Variants in RBFOX3 observed in about 807,000 individuals in gnomAD.
RBFOX3 encodes the protein RNA binding fox-1 homolog 3.
RBFOX3 carries 17 observed loss-of-function variants against 48.7 expected under a neutral mutation model. The observed-to-expected ratio is 0.35, with a 90% CI of 0.24 to 0.52. The LOEUF (loss-of-function observed/expected upper bound fraction) is 0.52. Ranked by LOEUF, RBFOX3 falls within the 20% of genes least tolerant of loss-of-function variation. The pLI is 0.94. For missense variants in RBFOX3, 382 were observed against 497.5 expected, an observed-to-expected ratio of 0.77 and a Z score of 2.21; for synonymous variants, 212 against 209.5, an observed-to-expected ratio of 1.01 and a Z score of -0.10.
upstream of RBFOX3, among the ~76,000 whole-genome samples, chr17:79,614,121 A>C (rs984828740): frequency 1.3e-5 from 2 of 152,350 alleles, no homozygotes; most frequent in East Asian, 3.9e-4. Flanking sequence ...GCCCAGAGGC[A>C]GGGAAGGCTG....
chr17:79,395,770 G>A (rs376493869), intron 2 of RBFOX3, among the ~76,000 whole-genome samples: 1 of 152,226 alleles, frequency 6.6e-6, no homozygotes, highest in Non-Finnish European at 1.5e-5. Flanking sequence ...GAGCCGTGAC[G>A]TGACCAGGAG....
Position 79,423,211 on chromosome 17 carries a change from G to A in RBFOX3, c.-175+59243C>T, listed in dbSNP as rs150173907. 6.6e-6 allele frequency among the ~76,000 whole-genome samples: 1 copy of A among 152,272 alleles called. No homozygotes were observed. The highest frequency in any genetic ancestry group is 2.4e-5 in the African/African-American group (1 of 41,534). ...TCCAAAACCAAACTCCTCACGTCCT[G>A]CGGTCTCCCCGTGGAAGCCCCATCT... On this transcript the variant is annotated intron_variant, in intron 2 of 14. Transcript: ENST00000693108. This position sits in a 1 kb window ranked among gnomAD's most constrained non-coding sequence, Gnocchi z 4.9.
At chr17:79,448,796 C>T (rs2072879007) in intron 2 of RBFOX3, among the ~76,000 whole-genome samples, 1 of 152,162 alleles carries the variant, frequency 6.6e-6, no homozygotes, top group Admixed American at 6.5e-5. Flanking sequence ...AATCTGGCCT[C>T]GCAGGCTCAG....
chr17:79,289,647 T>C (rs548888968), intron 3 of RBFOX3, among the ~76,000 whole-genome samples: 4 of 152,368 alleles, frequency 2.6e-5, no homozygotes, highest in African/African-American at 7.2e-5. Context: ...CCTTTGGGGC[T>C]TTCCCCCTTT....
chr17:79,564,384 C>A (rs2144320219), intron 1 of RBFOX3, among the ~76,000 whole-genome samples: 1 of 152,318 alleles, frequency 6.6e-6, no homozygotes, highest in Admixed American at 6.5e-5. Context: ...AACATTCTCA[C>A]CTATTACCTT....
chr17:79,621,290 C>T, the RBFOX3 span, among the ~76,000 whole-genome samples: 3 of 152,178 alleles, frequency 2.0e-5, no homozygotes, highest in Admixed American at 6.5e-5. Flanking sequence ...TGAGCCACCA[C>T]GCCCAGCCTG....
At chr17:79,620,667 A>G in the RBFOX3 span, among the ~76,000 whole-genome samples, 3 of 136,966 alleles carry the variant, frequency 2.2e-5, no homozygotes, top group Non-Finnish European at 4.4e-5. Context: ...ACACACGCAC[A>G]TGCACACACG....
At chr17:79,234,952 G>C (rs1323961788) in intron 4 of RBFOX3, 1 of 151,904 alleles carries the variant, frequency 6.6e-6, no homozygotes, top group Non-Finnish European at 1.5e-5. Context: ...GGCTGGTCTT[G>C]AACTCCTGAC....
intron 1 of RBFOX3, among the ~76,000 whole-genome samples, chr17:79,557,329 T>C (rs2091852396): frequency 6.6e-6 from 1 of 151,512 alleles, no homozygotes; most frequent in Admixed American, 6.6e-5. Context: ...CCCCAGGCCC[T>C]GGACTGTTAG....
At chr17:79,475,633 G>A (rs2077621925) in intron 2 of RBFOX3, among the ~76,000 whole-genome samples, 2 of 152,176 alleles carry the variant, frequency 1.3e-5, no homozygotes, top group African/African-American at 4.8e-5. Flanking sequence ...TAGAAGAGGA[G>A]GGGAATGAGA....
chr17:79,141,761 G>C (rs1009305642), intron 4 of RBFOX3, among the ~76,000 whole-genome samples: 2 of 152,172 alleles, frequency 1.3e-5, no homozygotes, highest in African/African-American at 2.4e-5. Flanking sequence ...GGCTGTGTGA[G>C]GACTAAAGCT....
At chr17:79,396,109 G>T (rs2061966135) in intron 2 of RBFOX3, among the ~76,000 whole-genome samples, 1 of 152,234 alleles carries the variant, frequency 6.6e-6, no homozygotes, top group Non-Finnish European at 1.5e-5. Context: ...ACAGGGCAGG[G>T]TGCAAAGCCA....
At chr17:79,101,719 G>A (rs887871563) in intron 8 of RBFOX3, 75 bp from the exon 9 acceptor site, 138 of 1,313,294 alleles carry the variant, frequency 1.1e-4, no homozygotes, top group Admixed American at 2.8e-4. Flanking sequence ...ACTCCTCCCC[G>A]CCCTGCTCCG....
rs1192729842 is a variant in RBFOX3, at chr17:79,423,681, A to G, written c.-175+58773T>C. On this transcript the variant is annotated intron_variant, in intron 2 of 14. Transcript: ENST00000693108. The surrounding 1 kb of genome is among the most constrained non-coding windows in gnomAD (Gnocchi z 4.9). Reference sequence around the variant, plus strand: ...CTGCCCCCCCGACCACCCCGTGCCCACAGACAAGGTCAGCTCAATACATAC... The same window carrying G: ...CTGCCCCCCCGACCACCCCGTGCCCGCAGACAAGGTCAGCTCAATACATAC... 1 of 148,176 alleles carries G rather than the reference A, an allele frequency of 6.7e-6. No individual in the cohort carries two copies. Among genetic ancestry groups the G allele is most frequent in the Non-Finnish European group, 1.5e-5 (1 of 66,794 alleles). 9.2% of individuals were successfully genotyped at this position (148,176 alleles called of 1,614,324 possible).
intron 1 of RBFOX3, among the ~76,000 whole-genome samples, chr17:79,545,551 G>C (rs1486932768): frequency 1.3e-5 from 2 of 152,356 alleles, no homozygotes; most frequent in East Asian, 3.9e-4. Context: ...GCCTGACTTG[G>C]TGTCCCAGGC....
At chr17:79,448,884 G>A (rs1555739840) in intron 2 of RBFOX3, among the ~76,000 whole-genome samples, 1 of 152,020 alleles carries the variant, frequency 6.6e-6, no homozygotes, top group Non-Finnish European at 1.5e-5. Flanking sequence ...CCTCATGCAG[G>A]TTCCCTGACA....
At chr17:79,664,466 GC>G in the RBFOX3 span, among the ~76,000 whole-genome samples, 12 of 151,662 alleles carry the variant, frequency 7.9e-5, no homozygotes, top group East Asian at 2.3e-3. Context: ...CCTGCCTCAG[GC>G]TCCCGAGTAG....
At chr17:79,404,648 C>G (rs927254295) in intron 2 of RBFOX3, among the ~76,000 whole-genome samples, 5 of 144,666 alleles carry the variant, frequency 3.5e-5, no homozygotes, top group Non-Finnish European at 7.9e-5. Context: ...GCTTCTGGCC[C>G]TCCTCACCAC....
intron 4 of RBFOX3, 196 bp downstream of exon 4, chr17:79,235,570 G>C (rs2061536725): frequency 6.5e-6 from 1 of 153,402 alleles, no homozygotes; most frequent in Admixed American, 6.5e-5. Context: ...GCTCATCCAT[G>C]GGGGACAAGA....
Sources: gnomAD v4.1 joint callset for allele counts (sites outside exome capture counted in the v4.1 genomes callset) on GRCh38, gnomAD v4.1.1 for gene constraint, Gnocchi (gnomAD v3.1) non-coding constraint, MANE v1.5 for transcripts, NCBI Gene and HGNC (gene_info 2026-07-23, HGNC 2026-07-21) for gene names.